Variants in EDEM3 observed in about 807,000 individuals in gnomAD.
EDEM3 encodes the protein ER degradation-enhancing alpha-mannosidase-like protein 3.
Under a neutral mutation model 110.2 loss-of-function variants are expected in EDEM3, and 60 were observed. The observed-to-expected ratio is 0.54, with a 90% CI of 0.44 to 0.67. The LOEUF (loss-of-function observed/expected upper bound fraction) is 0.67, where lower values mean the gene tolerates loss of function less well. EDEM3 is among the 30% of genes least tolerant of loss of function. EDEM3 has a pLI of 0.00. For synonymous variants in EDEM3, 352 were observed against 382.9 expected (o/e 0.92, Z 0.94); for missense variants, 996 against 1,121.0 (o/e 0.89, Z 1.59).
At chr1:184,724,690 C>T (rs906309652) in intron 7 of EDEM3, among the ~76,000 whole-genome samples, 1 of 152,146 alleles carries the variant, frequency 6.6e-6, no homozygotes, top group African/African-American at 2.4e-5. Flanking sequence ...TTTACTCAAA[C>T]TATGCTGATT....
chr1:184,750,346 T>C (rs1652688330), intron 1 of EDEM3, among the ~76,000 whole-genome samples: 1 of 152,168 alleles, frequency 6.6e-6, no homozygotes, highest in African/African-American at 2.4e-5. Context: ...ACCAGAATTT[T>C]ACTAAATCAA....
intron 7 of EDEM3, among the ~76,000 whole-genome samples, chr1:184,725,069 G>A (rs910406916): frequency 2.0e-5 from 3 of 152,170 alleles, no homozygotes; most frequent in Middle Eastern, 3.2e-3. Flanking sequence ...TATAAAAACA[G>A]GCAGTGGCTG....
At position 184,721,521 on chromosome 1, in the gene EDEM3, T is replaced by C. The variant is rs190483996; in HGVS notation, c.854-135A>G. 958 of 509,876 alleles carry C rather than the reference T, an allele frequency of 1.9e-3. 4 individuals are homozygous for C. The highest frequency in any genetic ancestry group is 2.8e-3 in the Non-Finnish European group (834 of 296,324). The allele number at this position is 509,876 out of a possible 1,614,324, so 31.6% of individuals were successfully genotyped here. On this transcript the variant is annotated intron_variant, in intron 8 of 19. Transcript: ENST00000318130. ...TGACTACACCAGTTTAGATTTGCCC[T>C]GGAACAGATAATTATATTTAAAATA...
intron 18 of EDEM3, among the ~76,000 whole-genome samples, chr1:184,704,494 T>C (rs1008970142): frequency 4.7e-5 from 7 of 150,282 alleles, no homozygotes; most frequent in African/African-American, 1.7e-4. Context: ...CTACTAAAAA[T>C]ACAAAAATTA....
intron 19 of EDEM3, among the ~76,000 whole-genome samples, chr1:184,696,223 T>A (rs1649321243): frequency 6.6e-6 from 1 of 151,836 alleles, no homozygotes; most frequent in South Asian, 2.1e-4. Context: ...GCTGAGAGAT[T>A]AACTGGGGGA....
At chr1:184,698,671 CAA>C (rs1392588844) in intron 19 of EDEM3, among the ~76,000 whole-genome samples, 1 of 151,664 alleles carries the variant, frequency 6.6e-6, no homozygotes, top group Non-Finnish European at 1.5e-5. Flanking sequence ...TAATTTGTTA[CAA>C]GTTTAATTTT....
In EDEM3 at chr1:184,737,622, A is replaced by T; in HGVS notation, c.294T>A (p.Asp98Glu). Reference sequence around the variant, plus strand: ...GTGTTAATACTCACTTTCCCAAGGCATCATCAACGTCACCGCGACTTGGCT... The same window carrying T: ...GTGTTAATACTCACTTTCCCAAGGCTTCATCAACGTCACCGCGACTTGGCT... Reference protein sequence around the residue: ...GQEPSRGDVDDALGKFSLTLI... With the variant: ...GQEPSRGDVDEALGKFSLTLI... Residue 98 changes from aspartate to glutamate, a missense_variant, in exon 3 of 20, where the codon GAT (aspartate) becomes GAA (glutamate). Asp to Glu is a conservative substitution (Grantham distance 45, BLOSUM62 2). This residue lies in a region of EDEM3 where 200 missense variants were observed against 183.8 expected (regional missense o/e 1.09). Coordinates refer to ENST00000318130, the MANE Select transcript of EDEM3 (RefSeq NM_025191.4). The T allele has an allele frequency of 1.9e-6, 3 of 1,613,986 alleles. No individual in the cohort carries two copies. The highest frequency in any genetic ancestry group is 1.7e-6 in the Non-Finnish European group (2 of 1,179,882).
chr1:184,737,393 T>C (rs1026888766), intron 3 of EDEM3, among the ~76,000 whole-genome samples: 1 of 152,230 alleles, frequency 6.6e-6, no homozygotes, highest in Non-Finnish European at 1.5e-5. Flanking sequence ...TTTTAAGTTA[T>C]ATGCAGCTTA....
At chr1:184,749,412 T>G in intron 2 of EDEM3, 135 bp downstream of exon 2, 1 of 674,988 alleles carries the variant, frequency 1.5e-6, no homozygotes, top group Admixed American at 3.5e-5. Context: ...CCAGAAAGAC[T>G]ATTTTTGCCC....
At chr1:184,735,166 T>C (rs955407616) in intron 4 of EDEM3, among the ~76,000 whole-genome samples, 4 of 152,340 alleles carry the variant, frequency 2.6e-5, no homozygotes, top group African/African-American at 9.6e-5. Context: ...ATGCCCTGAT[T>C]TGAATTCTGG....
At chr1:184,709,690 A>T (rs981413422) in intron 16 of EDEM3, among the ~76,000 whole-genome samples, 1 of 152,184 alleles carries the variant, frequency 6.6e-6, no homozygotes, top group Non-Finnish European at 1.5e-5. Flanking sequence ...TACAAGGAAG[A>T]AGGAAGAATA....
intron 2 of EDEM3, among the ~76,000 whole-genome samples, chr1:184,743,151 C>T (rs1652235052): frequency 6.6e-6 from 1 of 152,140 alleles, no homozygotes; most frequent in Non-Finnish European, 1.5e-5. Flanking sequence ...AATACTTTGT[C>T]TCTTTGTTTC....
At chr1:184,719,116 G>T in intron 11 of EDEM3, 46 bp downstream of exon 11, 1 of 1,080,988 alleles carries the variant, frequency 9.3e-7, no homozygotes, top group Non-Finnish European at 1.4e-6. Flanking sequence ...GTGTGTGTGT[G>T]TGTGTTTGTG....
Position 184,719,439 on chromosome 1 carries a change from A to G in EDEM3, c.1077+4T>C. The stretch of plus-strand genomic sequence containing the variant: ...TCATATTAAGAAGACAGAATTCTTT[A>G]TACCTGCAAGCCTGGGAAGAAGGCA... On this transcript the variant is annotated splice_donor_region_variant and intron_variant, in intron 10 of 19. Coordinates refer to ENST00000318130, the MANE Select transcript of EDEM3 (RefSeq NM_025191.4). 3 of 1,609,416 alleles carry G rather than the reference A, an allele frequency of 1.9e-6. No homozygotes were observed. Among genetic ancestry groups the G allele is most frequent in the Non-Finnish European group, 2.5e-6 (3 of 1,178,734 alleles).
intron 15 of EDEM3, 56 bp downstream of exon 15, chr1:184,711,667 T>C: frequency 6.8e-7 from 1 of 1,474,520 alleles, no homozygotes. Flanking sequence ...CTAAGTTCTC[T>C]GTCATTTACT....
At chr1:184,710,656 T>C (rs750858257) in intron 15 of EDEM3, 109 bp from the exon 16 acceptor site, 24 of 1,276,396 alleles carry the variant, frequency 1.9e-5, no homozygotes, top group Non-Finnish European at 2.6e-5. Context: ...GTTTTAGAAC[T>C]AGTGAAACTG....
At chr1:184,720,903 C>T (rs1416988309) in intron 9 of EDEM3, 1 of 182,134 alleles carries the variant, frequency 5.5e-6, no homozygotes, top group Non-Finnish European at 1.1e-5. Context: ...AGCCCTGTAT[C>T]CTTGGTGTAA....
rs1255405543 is a variant in EDEM3 at position 184,690,400 on chromosome 1, T to C, written c.*3663A>G. ...TCCCCAGAATTCAATCCCCGGAGGA[T>C]AAAATGAGTTTAAAAAAAAAAGGAA... is the stretch of plus-strand genomic sequence containing the variant. On this transcript the variant is annotated 3_prime_UTR_variant, in exon 20 of 20. Transcript: ENST00000318130. 1 of 122,140 alleles carries C rather than the reference T, an allele frequency of 8.2e-6. No homozygotes were observed. The highest frequency in any genetic ancestry group is 1.7e-5 in the Non-Finnish European group (1 of 60,104). The allele number at this position is 122,140 out of a possible 1,614,324, so 7.6% of individuals were successfully genotyped here.
intron 1 of EDEM3, among the ~76,000 whole-genome samples, chr1:184,750,518 CT>C (rs376949251): frequency 5.5e-5 from 8 of 146,434 alleles, no homozygotes; most frequent in Admixed American, 2.0e-4. Context: ...TTAACTTTTT[CT>C]TTTTTTTTTG....
Sources: allele counts gnomAD v4.1 joint callset (sites outside exome capture counted in the v4.1 genomes callset), GRCh38; gene constraint gnomAD v4.1.1; regional missense constraint gnomAD v4.1.1; transcripts MANE v1.5; gene names NCBI Gene and HGNC (gene_info 2026-07-23, HGNC 2026-07-21).